RGS6: variants seen among roughly 807,000 people sequenced by gnomAD.
RGS6 encodes regulator of G-protein signaling 6.
A neutral mutation model predicts 78.5 loss-of-function variants in RGS6; 30 were observed. The ratio of observed to expected loss-of-function variants is 0.38; its 90% CI spans 0.29 to 0.52. The LOEUF (loss-of-function observed/expected upper bound fraction) is 0.52, where lower values mean the gene tolerates loss of function less well. Among genes scored for constraint, RGS6 ranks in the 20% least tolerant of loss-of-function variants. The pLI, the probability that RGS6 is intolerant of heterozygous loss-of-function variation, is 0.85. For missense variants in RGS6, 495 were observed against 609.7 expected (o/e 0.81, Z 1.98); for synonymous variants, 206 against 206.0 (o/e 1.00, Z 0.00).
rs3053082 is a variant in RGS6, at chr14:72,039,813, A to ATTTT, written c.84+74954_84+74957dup. Among the ~76,000 whole-genome samples, 336 of 68,862 alleles carry ATTTT rather than the reference A, an allele frequency of 4.9e-3. 10 individuals are homozygous for ATTTT. Among genetic ancestry groups the ATTTT allele is most frequent in the East Asian group, 0.011 (19 of 1,766 alleles). The allele number at this position is 68,862 out of a possible 152,430, so 45.2% of individuals were successfully genotyped here. ...TGCTGCCTTCTTTTGTGTTTCATTG[A>ATTTT]TTTTTTTTTTTTTTTTTTTGGTGAC... is the stretch of plus-strand genomic sequence containing the variant. On this transcript the variant is annotated intron_variant, in intron 2 of 17. Transcript: ENST00000553525.
At chr14:72,463,848 C>T (rs1413414915) in intron 6 of RGS6, among the ~76,000 whole-genome samples, 2 of 152,110 alleles carry the variant, frequency 1.3e-5, no homozygotes, top group Non-Finnish European at 2.9e-5. Flanking sequence ...GATCGGACAC[C>T]CCTTTATCAG....
At chr14:71,932,096 T>G (rs372258755), upstream of RGS6, among the ~76,000 whole-genome samples, 21 of 152,294 alleles carry the variant, frequency 1.4e-4, no homozygotes, top group East Asian at 1.2e-3. Context: ...CGGGCCAGTT[T>G]GGAATTGACG....
rs1222880075 is a variant in RGS6, at chr14:72,562,746, C to A, written c.*279C>A. 4 of 1,536,066 alleles carry A rather than the reference C, an allele frequency of 2.6e-6. No individual in the cohort carries two copies. Among genetic ancestry groups the A allele is most frequent in the Non-Finnish European group, 3.5e-6 (4 of 1,146,826 alleles). On this transcript the variant is annotated 3_prime_UTR_variant, in exon 18 of 18. Transcript: ENST00000553525. The stretch of plus-strand genomic sequence containing the variant: ...TCCAACACTCCACTCGCTAAGAGGC[C>A]CTGATCCCAGCTCATTCAGGGGAGA...
intron 2 of RGS6, among the ~76,000 whole-genome samples, chr14:72,084,411 G>C (rs1177440466): frequency 1.3e-5 from 2 of 152,304 alleles, no homozygotes; most frequent in Non-Finnish European, 2.9e-5. Context: ...TGGGACACCT[G>C]TCCTAGAACA....
Position 71,960,422 on chromosome 14 carries a change from G to T in RGS6, c.-20-4350G>T, listed in dbSNP as rs150985207. Among the ~76,000 whole-genome samples, 623 of 152,252 alleles carry T rather than the reference G, an allele frequency of 4.1e-3. 1 individual carries two copies. Among genetic ancestry groups the T allele is most frequent in the African/African-American group, 0.014 (592 of 41,518 alleles). On this transcript the variant is annotated intron_variant, in intron 1 of 17. Transcript: ENST00000553525. Reference sequence around the variant, plus strand: ...TCTTCTTTATTGGCCACTTTTAATGGCTTGTTATCCAGATGAATCTTCTGG... The same window carrying T: ...TCTTCTTTATTGGCCACTTTTAATGTCTTGTTATCCAGATGAATCTTCTGG...
chr14:72,523,948 C>G (rs918227346), intron 15 of RGS6, among the ~76,000 whole-genome samples: 24 of 152,082 alleles, frequency 1.6e-4, no homozygotes, highest in African/African-American at 5.8e-4. Context: ...GAGGCAAGGG[C>G]CTTGACCTTT....
intron 2 of RGS6, among the ~76,000 whole-genome samples, chr14:72,157,453 C>T (rs1202504644): frequency 6.6e-6 from 1 of 152,178 alleles, no homozygotes; most frequent in Non-Finnish European, 1.5e-5. Context: ...CCCTTGACTA[C>T]CAGTAGCAGC....
chr14:72,273,561 A>G (rs2060254459), intron 2 of RGS6, among the ~76,000 whole-genome samples: 1 of 152,206 alleles, frequency 6.6e-6, no homozygotes, highest in Non-Finnish European at 1.5e-5. Flanking sequence ...GGGCCCTATT[A>G]AGATTTAAAG....
At chr14:72,260,788 C>A (rs191622928) in intron 2 of RGS6, among the ~76,000 whole-genome samples, 2 of 152,332 alleles carry the variant, frequency 1.3e-5, no homozygotes, top group Non-Finnish European at 2.9e-5. Context: ...ATGCTTCCAA[C>A]ATACAGTATT....
intron 2 of RGS6, among the ~76,000 whole-genome samples, chr14:72,108,929 C>T (rs956282800): frequency 6.6e-6 from 1 of 151,976 alleles, no homozygotes; most frequent in Non-Finnish European, 1.5e-5. Context: ...CCTCTTTTAT[C>T]CTTAAGCAAT....
chr14:72,082,263 C>T (rs373100517), intron 2 of RGS6, among the ~76,000 whole-genome samples: 26 of 152,152 alleles, frequency 1.7e-4, no homozygotes, highest in Admixed American at 5.2e-4. Context: ...TGACAATATT[C>T]TTCTAATTTG....
At chr14:72,591,942 C>T in the RGS6 span, among the ~76,000 whole-genome samples, 8 of 152,266 alleles carry the variant, frequency 5.3e-5, no homozygotes, top group East Asian at 3.9e-4. Context: ...CTACCCCTTC[C>T]GTCATGCTAA....
chr14:72,484,650 G>A (rs536082594), intron 12 of RGS6, among the ~76,000 whole-genome samples: 1 of 152,212 alleles, frequency 6.6e-6, no homozygotes, highest in East Asian at 1.9e-4. Flanking sequence ...CAAGTGGTTG[G>A]ACTGTATGTT....
chr14:72,395,575 C>T (rs1403451399), intron 3 of RGS6, among the ~76,000 whole-genome samples: 1 of 152,022 alleles, frequency 6.6e-6, no homozygotes, highest in Non-Finnish European at 1.5e-5. Context: ...GGTACATGTG[C>T]ACAACATGCA....
At chr14:72,240,976 G>C (rs766072029) in intron 2 of RGS6, among the ~76,000 whole-genome samples, 6 of 152,006 alleles carry the variant, frequency 3.9e-5, no homozygotes, top group Non-Finnish European at 7.4e-5. Flanking sequence ...GGCCAACATG[G>C]TGAAACCGTG....
In RGS6 at chr14:72,557,727, C is replaced by T. The variant is rs148527558; in HGVS notation, c.1423-4690C>T. ...ATGGTGAGCTGTATTCAACGAAACACGATTTTTCATGAGCAGGGATGGAAA... is the reference window on the plus strand; with the variant it reads ...ATGGTGAGCTGTATTCAACGAAACATGATTTTTCATGAGCAGGGATGGAAA... On this transcript the variant is annotated intron_variant, in intron 17 of 17. Coordinates refer to ENST00000553525, the MANE Select transcript of RGS6 (RefSeq NM_001204424.2). Among the ~76,000 whole-genome samples the T allele has an allele frequency of 1.5e-3, 223 of 152,352 alleles. 5 individuals are homozygous for T. The highest frequency in any genetic ancestry group is 3.6e-4 in the African/African-American group (15 of 41,580).
At chr14:72,387,251 A>T (rs947947321) in intron 3 of RGS6, among the ~76,000 whole-genome samples, 1 of 151,064 alleles carries the variant, frequency 6.6e-6, no homozygotes, top group South Asian at 2.1e-4. Flanking sequence ...GTTTCCTTAT[A>T]AAAAAAAGGG....
At chr14:71,906,562 T>G in the RGS6 span, among the ~76,000 whole-genome samples, 1 of 152,208 alleles carries the variant, frequency 6.6e-6, no homozygotes, top group South Asian at 2.1e-4. Context: ...CCTTTGAGTC[T>G]CTTCCCTTGA....
the RGS6 span, among the ~76,000 whole-genome samples, chr14:71,891,024 A>G: frequency 6.6e-6 from 1 of 152,340 alleles, no homozygotes; most frequent in East Asian, 1.9e-4. Flanking sequence ...TCTGGGGGAC[A>G]GGGGTATTTC....
Sources: gnomAD v4.1 joint callset for allele counts (sites outside exome capture counted in the v4.1 genomes callset) on GRCh38, gnomAD v4.1.1 for gene constraint, MANE v1.5 for transcripts, NCBI Gene and HGNC (gene_info 2026-07-23, HGNC 2026-07-21) for gene names.